Variants in EPS15L1 observed in about 807,000 individuals in gnomAD.
EPS15L1 encodes the protein epidermal growth factor receptor substrate 15-like 1.
A neutral mutation model predicts 117.1 loss-of-function variants in EPS15L1; 43 were observed. The ratio of observed to expected loss-of-function variants is 0.37; its 90% CI spans 0.29 to 0.47. The LOEUF (loss-of-function observed/expected upper bound fraction) is 0.47, where lower values mean the gene tolerates loss of function less well. Among genes scored for constraint, EPS15L1 ranks in the 20% least tolerant of loss-of-function variants. The pLI is 0.99. For missense variants in EPS15L1, 981 were observed against 1,164.0 expected (o/e 0.84, Z 2.29); for synonymous variants, 459 against 470.5 (o/e 0.98, Z 0.32).
intron 22 of EPS15L1, among the ~76,000 whole-genome samples, chr19:16,367,519 A>AAC (rs2092152144): frequency 2.0e-5 from 3 of 149,506 alleles, no homozygotes; most frequent in Non-Finnish European, 4.5e-5. Flanking sequence ...AAAAAAAAAA[A>AAC]AAAAAAACTT....
At chr19:16,440,954 G>T (rs1268413391) in intron 3 of EPS15L1, 45 bp from the exon 4 acceptor site, 14 of 1,600,682 alleles carry the variant, frequency 8.7e-6, no homozygotes, top group Non-Finnish European at 1.2e-5. Context: ...GCCGATCACT[G>T]TCCACGTGTT....
intron 5 of EPS15L1, 27 bp from the exon 6 acceptor site, chr19:16,437,026 G>C (rs369286988): frequency 1.9e-6 from 3 of 1,606,468 alleles, no homozygotes; most frequent in African/African-American, 2.7e-5. Flanking sequence ...ACATTCCTTT[G>C]TGGCTGGCAC....
At chr19:16,391,474 G>A (rs1053470957) in intron 19 of EPS15L1, among the ~76,000 whole-genome samples, 1 of 152,148 alleles carries the variant, frequency 6.6e-6, no homozygotes, top group African/African-American at 2.4e-5. Context: ...GAGCGAGGTG[G>A]GCGCCAGGGT....
intron 1 of EPS15L1, among the ~76,000 whole-genome samples, chr19:16,448,539 A>T (rs867318910): frequency 3.0e-5 from 4 of 134,262 alleles, no homozygotes; most frequent in Admixed American, 2.2e-4. Context: ...ATTCCGTATT[A>T]AAAAAAAAGG....
intron 19 of EPS15L1, among the ~76,000 whole-genome samples, chr19:16,388,435 A>G (rs2092443305): frequency 6.6e-6 from 1 of 152,236 alleles, no homozygotes; most frequent in African/African-American, 2.4e-5. Context: ...CTACACCCAG[A>G]AACTTCAAAA....
In EPS15L1 at chr19:16,454,369, G is replaced by A. The variant is rs187494719; in HGVS notation, c.34-12150C>T. On this transcript the variant is annotated intron_variant, in intron 1 of 23. Transcript: ENST00000455140. Reference sequence around the variant, plus strand: ...TAAGCACACGGTATCCTATCGCCCCGCTACTGGAACCTGGCGGGACAGGGC... The same window carrying A: ...TAAGCACACGGTATCCTATCGCCCCACTACTGGAACCTGGCGGGACAGGGC... Among the ~76,000 whole-genome samples, 164 of 152,280 alleles carry A rather than the reference G, an allele frequency of 1.1e-3. 2 individuals carry two copies. The highest frequency in any genetic ancestry group is 7.5e-3 in the South Asian group (36 of 4,822).
intron 4 of EPS15L1, among the ~76,000 whole-genome samples, chr19:16,438,093 C>T (rs1223352067): frequency 6.6e-6 from 1 of 152,194 alleles, no homozygotes; most frequent in East Asian, 1.9e-4. Flanking sequence ...TGGCTCATGT[C>T]TGTAATCCTA....
intron 12 of EPS15L1, among the ~76,000 whole-genome samples, chr19:16,414,775 T>C (rs976732957): frequency 6.6e-6 from 1 of 151,004 alleles, no homozygotes; most frequent in Non-Finnish European, 1.5e-5. Context: ...AGTGGCACGA[T>C]CATAGCTCAC....
At chr19:16,378,473 C>G (rs1367301268) in intron 21 of EPS15L1, among the ~76,000 whole-genome samples, 1 of 152,120 alleles carries the variant, frequency 6.6e-6, no homozygotes, top group Admixed American at 6.5e-5. Context: ...CAGAGCCTGG[C>G]TGGACCCCAC....
chr19:16,434,287 C>T, intron 7 of EPS15L1, 78 bp downstream of exon 7: 3 of 1,542,186 alleles, frequency 1.9e-6, no homozygotes, highest in Non-Finnish European at 2.6e-6. Context: ...TTGTAAGCAC[C>T]ATGGGGAAAG....
In EPS15L1 at chr19:16,421,352, G is replaced by A. The variant is rs780582035; in HGVS notation, c.917C>T (p.Ser306Leu). ...TGCTAGAAGGTTCTGGGTGAGGCCCGAGTGCATGAAGATCTCCTTCACCTC... is the reference window on the plus strand; with the variant it reads ...TGCTAGAAGGTTCTGGGTGAGGCCCAAGTGCATGAAGATCTCCTTCACCTC... ...GQEVKEIFMH[S>L]GLTQNLLAHI... Residue 306 changes from serine to leucine, a missense_variant, in exon 10 of 24, where the codon TCG becomes TTG. By Grantham distance (145) the Ser-to-Leu change is moderately radical. This residue lies in a region of EPS15L1 where 819 missense variants were observed against 949.0 expected (regional missense o/e 0.86). Transcript: ENST00000455140. The A allele has an allele frequency of 2.1e-5, 34 of 1,613,296 alleles. No homozygotes were observed. Among genetic ancestry groups the A allele is most frequent in the South Asian group, 3.3e-5 (3 of 91,054 alleles).
chr19:16,408,251 C>T (rs2092675361), intron 13 of EPS15L1, among the ~76,000 whole-genome samples: 1 of 152,054 alleles, frequency 6.6e-6, no homozygotes, highest in Non-Finnish European at 1.5e-5. Context: ...CAAAAATAAC[C>T]CCAACAGTCC....
chr19:16,382,155 C>T (rs2092370144), intron 21 of EPS15L1, among the ~76,000 whole-genome samples: 1 of 152,232 alleles, frequency 6.6e-6, no homozygotes, highest in South Asian at 2.1e-4. Context: ...TGTGTTTAAA[C>T]CCACGAGGCC....
At position 16,381,150 on chromosome 19, in the gene EPS15L1, A is replaced by G. The variant is rs2092357865; in HGVS notation, c.2248-3896T>C. Among the ~76,000 whole-genome samples the G allele has an allele frequency of 6.6e-6, 1 of 152,236 alleles. No individual in the cohort carries two copies. Among genetic ancestry groups the G allele is most frequent in the Non-Finnish European group, 1.5e-5 (1 of 68,030 alleles). On this transcript the variant is annotated intron_variant, in intron 21 of 23. Coordinates refer to ENST00000455140, the MANE Select transcript of EPS15L1 (RefSeq NM_001258374.3). This position sits in a 1 kb window ranked among gnomAD's most constrained non-coding sequence, Gnocchi z 4.2. ...CGCCGCCCTCTGAAGCTGCCCAGGCAGGAGACACTCGCTCTGTGCTGATCT... is the reference window on the plus strand; with the variant it reads ...CGCCGCCCTCTGAAGCTGCCCAGGCGGGAGACACTCGCTCTGTGCTGATCT...
chr19:16,460,567 A>T (rs948214075), intron 1 of EPS15L1, among the ~76,000 whole-genome samples: 2 of 152,320 alleles, frequency 1.3e-5, no homozygotes, highest in Non-Finnish European at 2.9e-5. Flanking sequence ...TGAGCAAGCA[A>T]AATAACAGCA....
intron 22 of EPS15L1, among the ~76,000 whole-genome samples, chr19:16,366,646 C>T (rs1331512847): frequency 6.6e-6 from 1 of 152,204 alleles, no homozygotes; most frequent in Admixed American, 6.5e-5. Flanking sequence ...ACATCAACAA[C>T]AACAACGGTT....
intron 1 of EPS15L1, among the ~76,000 whole-genome samples, chr19:16,458,620 A>G (rs2093219028): frequency 6.6e-6 from 1 of 152,088 alleles, no homozygotes; most frequent in Admixed American, 6.6e-5. Context: ...CCCTGAGCCC[A>G]GTCCTGAAAG....
intron 1 of EPS15L1, among the ~76,000 whole-genome samples, chr19:16,469,018 T>G (rs1188009960): frequency 1.3e-5 from 2 of 152,024 alleles, no homozygotes; most frequent in African/African-American, 4.8e-5. Flanking sequence ...AGACCCTGTC[T>G]CAAAAATCAA....
chr19:16,455,456 T>C (rs143534370), intron 1 of EPS15L1, among the ~76,000 whole-genome samples: 214 of 152,322 alleles, frequency 1.4e-3, no homozygotes, highest in Non-Finnish European at 1.7e-3. Context: ...AGAAAAAACA[T>C]TGCCTGCAGC....
Sources: gnomAD v4.1 joint callset for allele counts (sites outside exome capture counted in the v4.1 genomes callset) on GRCh38, gnomAD v4.1.1 for gene constraint, gnomAD v4.1.1 regional missense constraint, Gnocchi (gnomAD v3.1) non-coding constraint, MANE v1.5 for transcripts, NCBI Gene and HGNC (gene_info 2026-07-23, HGNC 2026-07-21) for gene names.